Variants in NLRP5 observed in about 807,000 individuals in gnomAD.
NLRP5 encodes the protein NLR family pyrin domain containing 5, also known as NACHT, LRR and PYD domains-containing protein 5.
NLRP5 carries 93 observed loss-of-function variants against 113.1 expected under a neutral mutation model. The ratio of observed to expected loss-of-function variants is 0.82; its 90% CI spans 0.70 to 0.98. NLRP5 has a LOEUF of 0.98. Among genes scored for constraint, NLRP5 ranks in the 50% least tolerant of loss-of-function variants. The pLI is 0.00. For synonymous variants in NLRP5, 751 were observed against 600.7 expected (o/e 1.25, Z -3.66); for missense variants, 1,808 against 1,514.3 (o/e 1.19, Z -3.22).
chr19:56,056,457 T>C (rs1198727924), intron 13 of NLRP5, among the ~76,000 whole-genome samples: 1 of 152,158 alleles, frequency 6.6e-6, no homozygotes, highest in Non-Finnish European at 1.5e-5. Flanking sequence ...CTCAGGAGGC[T>C]GAGGCAGGAG....
At chr19:56,061,372 C>T (rs777621842) in intron 14 of NLRP5, 24 bp from the exon 15 acceptor site, 52 of 1,610,522 alleles carry the variant, frequency 3.2e-5, no homozygotes, top group Middle Eastern at 1.7e-4. Flanking sequence ...ATCTCAGTAA[C>T]GAGTCCTCTC....
chr19:55,996,511 G>A (rs945037638), upstream of NLRP5, among the ~76,000 whole-genome samples: 44 of 151,950 alleles, frequency 2.9e-4, no homozygotes, highest in African/African-American at 6.3e-4. Flanking sequence ...AACAGTCCCC[G>A]GTGTGTGACG....
chr19:56,056,563 AC>A (rs771393866), intron 13 of NLRP5, among the ~76,000 whole-genome samples: 6 of 151,992 alleles, frequency 3.9e-5, no homozygotes, highest in Admixed American at 2.0e-4. Flanking sequence ...TTTCTAAAAA[AC>A]AAAAGCATCC....
intron 11 of NLRP5, among the ~76,000 whole-genome samples, chr19:56,044,136 T>C (rs1391691495): frequency 6.6e-6 from 1 of 151,244 alleles, no homozygotes; most frequent in African/African-American, 2.4e-5. Flanking sequence ...CGATCTGAGC[T>C]CACTGCAACC....
chr19:56,039,028 G>A (rs1438036699), intron 10 of NLRP5, among the ~76,000 whole-genome samples: 2 of 152,202 alleles, frequency 1.3e-5, no homozygotes, highest in Admixed American at 6.5e-5. Flanking sequence ...AGCAGCAACA[G>A]TTACAGCAAC....
chr19:55,995,581 G>C (rs1182395116), upstream of NLRP5, among the ~76,000 whole-genome samples: 3 of 152,108 alleles, frequency 2.0e-5, no homozygotes, highest in Non-Finnish European at 4.4e-5. Context: ...GGGATCTTTT[G>C]TGGTTCTATA....
At chr19:56,049,639 C>T (rs989032609) in intron 11 of NLRP5, among the ~76,000 whole-genome samples, 1 of 152,112 alleles carries the variant, frequency 6.6e-6, no homozygotes, top group East Asian at 1.9e-4. Context: ...TTGTTCAATT[C>T]TATTGCTGAG....
intron 6 of NLRP5, among the ~76,000 whole-genome samples, chr19:56,020,768 T>C (rs1019235497): frequency 2.0e-5 from 3 of 151,354 alleles, no homozygotes; most frequent in African/African-American, 7.3e-5. Flanking sequence ...GTGGTAGTAA[T>C]TATTTTTGTA....
At position 56,028,197 on chromosome 19, in the gene NLRP5, GT is replaced by G; in HGVS notation, c.1965del (p.Val657PhefsTer5). 6.2e-7 allele frequency: 1 copy of G among 1,613,948 alleles called. No individual in the cohort carries two copies. The highest frequency in any genetic ancestry group is 8.5e-7 in the Non-Finnish European group (1 of 1,179,904). On this transcript the variant is annotated frameshift_variant, in exon 7 of 15. Coordinates refer to ENST00000390649, the MANE Select transcript of NLRP5 (RefSeq NM_153447.4). LOFTEE classifies it high-confidence loss of function. ...AGGCCACTGGAGGTCCTGCTGGGCT[GT>G]CCCGTTCCCCTGGGGGTGAAGCAGA...
intron 11 of NLRP5, among the ~76,000 whole-genome samples, chr19:56,045,160 A>G (rs1207626040): frequency 6.6e-6 from 1 of 152,220 alleles, no homozygotes; most frequent in Non-Finnish European, 1.5e-5. Context: ...GCAAACAGTG[A>G]CAGTTTGACT....
chr19:56,007,356 TGTC>T (rs1181540149), intron 2 of NLRP5, among the ~76,000 whole-genome samples: 2 of 57,022 alleles, frequency 3.5e-5, no homozygotes. Context: ...AGATTGAGAC[TGTC>T]TTTTTTTTTT....
intron 11 of NLRP5, 75 bp from the exon 12 acceptor site, chr19:56,050,343 G>C: frequency 7.2e-7 from 1 of 1,396,598 alleles, no homozygotes; most frequent in Non-Finnish European, 1.0e-6. Context: ...CAGCTGGGAG[G>C]AGAGCAGCAG....
At position 56,027,568 on chromosome 19, in the gene NLRP5, GA is replaced by G; in HGVS notation, c.1336del (p.Ile446LeufsTer14). The G allele has an allele frequency of 6.2e-7, 1 of 1,613,994 alleles. No homozygotes were observed. Among genetic ancestry groups the G allele is most frequent in the Non-Finnish European group, 8.5e-7 (1 of 1,179,894 alleles). On this transcript the variant is annotated frameshift_variant, in exon 7 of 15. Transcript: ENST00000390649. LOFTEE classifies it high-confidence loss of function. ...GAATCCACTTGCTCCTTGAGCGCGG[GA>G]TTGGTGAGCATCAGAAGACACAAGG... is the stretch of plus-strand genomic sequence containing the variant.
At chr19:56,045,868 G>A (rs1175718741) in intron 11 of NLRP5, among the ~76,000 whole-genome samples, 1 of 152,132 alleles carries the variant, frequency 6.6e-6, no homozygotes, top group Non-Finnish European at 1.5e-5. Flanking sequence ...GTTGCAGGTT[G>A]GCTAATCAGC....
intron 13 of NLRP5, among the ~76,000 whole-genome samples, chr19:56,054,567 GAAAAA>G (rs10537523): frequency 2.2e-4 from 31 of 139,166 alleles, no homozygotes; most frequent in African/African-American, 6.0e-4. Context: ...CAAAAAAAGT[GAAAAA>G]AAAAAAAAAA....
rs1412317286 is a variant in NLRP5, at chr19:56,010,742, C to CAAAAAAAAAAAAAAAA, written c.508+1902_508+1903insAAAAAAAAAAAAAAAA. On this transcript the variant is annotated intron_variant, in intron 3 of 14. Coordinates refer to ENST00000390649, the MANE Select transcript of NLRP5 (RefSeq NM_153447.4). ...GGGAAACAAGAGCTTAACTCTGTCT[C>CAAAAAAAAAAAAAAAA]AAAAAAAAAAAAAGTCCCTTGAAAC... 6.1e-3 allele frequency among the ~76,000 whole-genome samples: 251 copies of CAAAAAAAAAAAAAAAA among 41,164 alleles called. 27 individuals carry two copies. The highest frequency in any genetic ancestry group is 0.011 in the African/African-American group (107 of 9,572). The allele number at this position is 41,164 out of a possible 152,430, so 27.0% of individuals were successfully genotyped here.
At chr19:55,999,645 A>C, upstream of NLRP5, 1 of 1,052,310 alleles carries the variant, frequency 9.5e-7, no homozygotes, top group South Asian at 1.3e-5. Flanking sequence ...GTAACCCTTG[A>C]AGAGGCAGGT....
intron 3 of NLRP5, among the ~76,000 whole-genome samples, chr19:56,009,340 A>AAAAAAAAAAAAAAAAAAAC: frequency 4.3e-5 from 1 of 23,000 alleles, no homozygotes; most frequent in Non-Finnish European, 1.0e-4. Context: ...ACTCCATCTC[A>AAAAAAAAAAAAAAAAAAAC]AAAAAAAAAA....
intron 6 of NLRP5, among the ~76,000 whole-genome samples, chr19:56,025,673 G>A (rs541594486): frequency 6.3e-4 from 96 of 152,048 alleles, no homozygotes; most frequent in Non-Finnish European, 1.1e-3. Flanking sequence ...GCCTCCCAAA[G>A]TGCTGGGATT....
Sources: allele counts gnomAD v4.1 joint callset (sites outside exome capture counted in the v4.1 genomes callset), GRCh38; gene constraint gnomAD v4.1.1; transcripts MANE v1.5; gene names NCBI Gene and HGNC (gene_info 2026-07-23, HGNC 2026-07-21).